MATR3: variants seen among roughly 807,000 people sequenced by gnomAD.
The protein encoded by MATR3 is matrin-3.
A neutral mutation model predicts 85.5 loss-of-function variants in MATR3; 4 were observed. The ratio of observed to expected loss-of-function variants is 0.05; its 90% confidence interval spans 0.02 to 0.11. The LOEUF (loss-of-function observed/expected upper bound fraction) is 0.11, where lower values mean the gene tolerates loss of function less well. Among genes scored for constraint, MATR3 ranks in the 10% least tolerant of loss-of-function variants. The pLI is 1.00. For synonymous variants in MATR3, 336 were observed against 343.1 expected (o/e 0.98, Z 0.23); for missense variants, 685 against 1,016.1 (o/e 0.67, Z 4.43).
Position 139,325,605 on chromosome 5 carries a change from G to A in MATR3, c.2314G>A (p.Asp772Asn), listed in dbSNP as rs774070119. 26 of 1,614,020 alleles carry A rather than the reference G, an allele frequency of 1.6e-5. No individual in the cohort carries two copies. Among genetic ancestry groups the A allele is most frequent in the African/African-American group, 2.7e-5 (2 of 74,914 alleles). Reference sequence around the variant, plus strand: ...TGGTCAAAGTGATGAGAACAAGGACGACTATACAATCCCAGATGAGTATAG... The same window carrying A: ...TGGTCAAAGTGATGAGAACAAGGACAACTATACAATCCCAGATGAGTATAG... ...ADGQSDENKD[D>N]YTIPDEYRIG... Residue 772 changes from aspartate to asparagine, a missense_variant, in exon 13 of 15, where the codon GAC (aspartate) becomes AAC (asparagine). By Grantham distance (23) the Asp-to-Asn change is conservative. Coordinates refer to ENST00000394805, the MANE Select transcript of MATR3 (RefSeq NM_018834.6).
At chr5:139,316,337 C>CT (rs1287288023) in intron 5 of MATR3, 149 bp downstream of exon 5, 2 of 657,750 alleles carry the variant, frequency 3.0e-6, no homozygotes, top group African/African-American at 3.6e-5. Context: ...CCTCTGCCTC[C>CT]TGGGTGCAAG....
At chr5:139,321,836 A>C in intron 9 of MATR3, 62 bp from the exon 10 acceptor site, 1 of 1,540,830 alleles carries the variant, frequency 6.5e-7, no homozygotes, top group Non-Finnish European at 8.9e-7. Context: ...AATACATAAT[A>C]AGGTTTTATA....
At chr5:139,294,922 G>A (rs1444049616) in intron 1 of MATR3, 1 of 152,120 alleles carries the variant, frequency 6.6e-6, no homozygotes, top group Non-Finnish European at 1.5e-5. Flanking sequence ...GATATTTCTA[G>A]AACGGTTATG....
intron 11 of MATR3, 44 bp from the exon 12 acceptor site, chr5:139,322,554 T>A: frequency 6.4e-7 from 1 of 1,566,502 alleles, no homozygotes; most frequent in South Asian, 1.1e-5. Flanking sequence ...CAACTTTACT[T>A]TTTCAGACAA....
intron 2 of MATR3, chr5:139,278,245 A>G (rs1250756033): frequency 4.6e-5 from 20 of 437,698 alleles, no homozygotes; most frequent in South Asian, 1.6e-5. Flanking sequence ...ATATATATAT[A>G]TATACACACA....
chr5:139,318,219 C>T lies in MATR3; in HGVS notation c.1308+498C>T, dbSNP rs531386864. 4.6e-5 allele frequency among the ~76,000 whole-genome samples: 7 copies of T among 151,916 alleles called. No homozygotes were observed. In the East Asian group the frequency reaches 1.2e-3, roughly 25 times the overall value. On this transcript the variant is annotated intron_variant, in intron 7 of 14. Coordinates refer to ENST00000394805, the MANE Select transcript of MATR3 (RefSeq NM_018834.6). ...CGCGATCTCAGCTCACTGCAACCTT[C>T]GCCTCCTGTGTTCAAGCGATTCTCC...
In MATR3 at chr5:139,331,176, GA is replaced by G. The variant is rs1311650842; in HGVS notation, c.*1782del. The G allele has an allele frequency of 2.2e-6, 1 of 454,084 alleles. No homozygotes were observed. Among genetic ancestry groups the G allele is most frequent in the South Asian group, 1.6e-5 (1 of 64,476 alleles). The allele number at this position is 454,084 out of a possible 1,614,324, so 28.1% of individuals were successfully genotyped here. A position where few individuals can be genotyped will look rare whatever the true frequency, so the allele number is the denominator to read the frequency against. ...ATGTTCAGACCCCAGTTTATTAAAG[GA>G]TACTTCAAATAGTTGGCTAAATTTT... is the stretch of plus-strand genomic sequence containing the variant. On this transcript the variant is annotated 3_prime_UTR_variant, in exon 15 of 15. Coordinates refer to ENST00000394805, the MANE Select transcript of MATR3 (RefSeq NM_018834.6).
At chr5:139,309,369 G>A (rs1412012279) in intron 2 of MATR3, among the ~76,000 whole-genome samples, 1 of 152,068 alleles carries the variant, frequency 6.6e-6, no homozygotes, top group East Asian at 1.9e-4. Context: ...GATGGTTACT[G>A]TTACAGGGTT....
At chr5:139,304,586 A>AG (rs1175080882) in intron 1 of MATR3, among the ~76,000 whole-genome samples, 3 of 151,750 alleles carry the variant, frequency 2.0e-5, no homozygotes, top group African/African-American at 4.8e-5. Flanking sequence ...GATAGTTTTT[A>AG]GGGGGGTGCA....
At chr5:139,286,685 A>G (rs1035187194) in intron 3 of MATR3, among the ~76,000 whole-genome samples, 4 of 151,748 alleles carry the variant, frequency 2.6e-5, no homozygotes, top group Admixed American at 1.3e-4. Context: ...TCTTTACTAA[A>G]AATACAAAAA....
At chr5:139,321,752 C>T (rs1755584539) in intron 9 of MATR3, 146 bp from the exon 10 acceptor site, 1 of 822,480 alleles carries the variant, frequency 1.2e-6, no homozygotes, top group Non-Finnish European at 1.9e-6. Context: ...CACTGCATTC[C>T]AGCCTGGGTG....
At chr5:139,325,147 C>G in intron 12 of MATR3, 5 of 1,074,104 alleles carry the variant, frequency 4.7e-6, no homozygotes, top group South Asian at 3.4e-5. Flanking sequence ...GAGCCGAGAT[C>G]GCGCCACTGC....
chr5:139,312,183 C>T (rs1201672890), intron 2 of MATR3: 7 of 152,186 alleles, frequency 4.6e-5, no homozygotes, highest in Admixed American at 4.6e-4. Context: ...GTAGCCCACG[C>T]TGAAGTGCGC....
chr5:139,294,371 G>A lies in MATR3; in HGVS notation c.-178+566G>A, dbSNP rs562511588. On this transcript the variant is annotated intron_variant, in intron 1 of 14. Coordinates refer to ENST00000394805, the MANE Select transcript of MATR3 (RefSeq NM_018834.6). ...TGGAGGATTTCGCAGACTCTGAAGA[G>A]CCTGCTTGTTTGAGCAGCGTTTCTT... Among the ~76,000 whole-genome samples, 15 of 152,164 alleles carry A rather than the reference G, an allele frequency of 9.9e-5. No individual in the cohort carries two copies. The South Asian group carries it at 3.1e-3, about 32-fold the overall frequency.
At chr5:139,290,438 C>CTTTT (rs762364450), upstream of MATR3, among the ~76,000 whole-genome samples, 444 of 44,960 alleles carry the variant, frequency 9.9e-3, 118 homozygotes, top group Non-Finnish European at 0.013. Context: ...CCTGGCCGCT[C>CTTTT]TTTTTTTTTT....
intron 2 of MATR3, 168 bp from the exon 3 acceptor site, chr5:139,314,507 A>G: frequency 1.6e-6 from 1 of 627,182 alleles, no homozygotes; most frequent in Non-Finnish European, 2.9e-6. Context: ...TCAAGCCTCA[A>G]GGATTCAGAG....
intron 2 of MATR3, among the ~76,000 whole-genome samples, chr5:139,277,192 T>C (rs1238664134): frequency 2.0e-5 from 3 of 152,088 alleles, no homozygotes; most frequent in East Asian, 3.9e-4. Context: ...CAGGCTTTAG[T>C]AGAGACAAGG....
chr5:139,327,536 C>G (rs933258671), intron 14 of MATR3, among the ~76,000 whole-genome samples: 1 of 152,154 alleles, frequency 6.6e-6, no homozygotes, highest in Non-Finnish European at 1.5e-5. Flanking sequence ...ATTCTCTTGC[C>G]TCAGCCTCCT....
intron 1 of MATR3, among the ~76,000 whole-genome samples, chr5:139,303,640 A>G (rs1036109371): frequency 1.3e-5 from 2 of 152,000 alleles, no homozygotes; most frequent in South Asian, 4.1e-4. Context: ...CTGAGGTGGG[A>G]GGATGGTTTG....
Sources: allele counts gnomAD v4.1 joint callset (sites outside exome capture counted in the v4.1 genomes callset), GRCh38; gene constraint gnomAD v4.1.1; transcripts MANE v1.5; gene names NCBI Gene and HGNC (gene_info 2026-07-23, HGNC 2026-07-21).